NR1H4: variants seen among roughly 807,000 people sequenced by gnomAD.
NR1H4 encodes the protein bile acid receptor.
In NR1H4, 23 loss-of-function variants were observed where a neutral mutation model predicts 58.5. The observed-to-expected ratio is 0.39, with a 90% confidence interval of 0.28 to 0.56. NR1H4 has a LOEUF of 0.56. Among genes scored for constraint, NR1H4 ranks in the 20% least tolerant of loss-of-function variants. NR1H4 has a pLI of 0.58. For synonymous variants in NR1H4, 214 were observed against 198.0 expected (o/e 1.08, Z -0.68); for missense variants, 487 against 576.9 (o/e 0.84, Z 1.60).
At chr12:100,511,228 C>T (rs1040018076) in intron 4 of NR1H4, 85 bp downstream of exon 4, 1 of 1,568,710 alleles carries the variant, frequency 6.4e-7, no homozygotes, top group South Asian at 1.1e-5. Context: ...CTTCCCTTTT[C>T]CCAGGCAACT....
At chr12:100,552,876 G>A (rs1955234752) in intron 9 of NR1H4, among the ~76,000 whole-genome samples, 1 of 151,846 alleles carries the variant, frequency 6.6e-6, no homozygotes, top group Non-Finnish European at 1.5e-5. Flanking sequence ...GGTTATGATT[G>A]TGCCACTGCA....
At chr12:100,498,337 A>T (rs2136116497) in intron 3 of NR1H4, among the ~76,000 whole-genome samples, 1 of 152,324 alleles carries the variant, frequency 6.6e-6, no homozygotes, top group Admixed American at 6.5e-5. Flanking sequence ...GGCCAGAGAG[A>T]ATCAACAATA....
At chr12:100,503,157 G>A (rs1057360464) in intron 3 of NR1H4, among the ~76,000 whole-genome samples, 1 of 152,182 alleles carries the variant, frequency 6.6e-6, no homozygotes, top group African/African-American at 2.4e-5. Context: ...TTTAGAGCCA[G>A]TGAACAGAAA....
chr12:100,563,526 C>A lies in NR1H4; in HGVS notation c.*37C>A. 6.8e-7 allele frequency: 1 copy of A among 1,464,254 alleles called. No individual in the cohort carries two copies. The highest frequency in any genetic ancestry group is 9.6e-7 in the Non-Finnish European group (1 of 1,043,338). 90.7% of individuals were successfully genotyped at this position (1,464,254 alleles called of 1,614,324 possible). A position where few individuals can be genotyped will look rare whatever the true frequency, so the allele number is the denominator to read the frequency against. Reference sequence around the variant, plus strand: ...GGGGAGGGGTCTAGCTCCTTTTTCTCTCTCATATTAATCTGATGTATAACT... The same window carrying A: ...GGGGAGGGGTCTAGCTCCTTTTTCTATCTCATATTAATCTGATGTATAACT... On this transcript the variant is annotated 3_prime_UTR_variant, in exon 11 of 11. Coordinates refer to ENST00000392986, the MANE Select transcript of NR1H4 (RefSeq NM_001206979.2).
intron 1 of NR1H4, among the ~76,000 whole-genome samples, chr12:100,477,496 T>A (rs11110389): frequency 0.042 from 6,366 of 152,232 alleles, 413 homozygotes; most frequent in African/African-American, 0.14. Context: ...CTATTACACT[T>A]TAATTAATGT....
intron 3 of NR1H4, among the ~76,000 whole-genome samples, chr12:100,496,081 G>A (rs1294459665): frequency 6.6e-6 from 1 of 152,162 alleles, no homozygotes; most frequent in African/African-American, 2.4e-5. Context: ...CAAGGTTAAT[G>A]GAATAGTCTA....
chr12:100,509,912 C>T (rs558281134), intron 3 of NR1H4, among the ~76,000 whole-genome samples: 13 of 143,910 alleles, frequency 9.0e-5, no homozygotes, highest in East Asian at 8.3e-4. Context: ...TGGGCACGTG[C>T]GCGCACACAC....
At chr12:100,536,886 T>A (rs1954825978) in intron 7 of NR1H4, 62 bp from the exon 8 acceptor site, 7 of 1,004,552 alleles carry the variant, frequency 7.0e-6, no homozygotes, top group Non-Finnish European at 1.1e-5. Flanking sequence ...TTTAGTCTAA[T>A]GGTTTTATAT....
chr12:100,506,444 A>G (rs1267917526), intron 3 of NR1H4, among the ~76,000 whole-genome samples: 1 of 152,118 alleles, frequency 6.6e-6, no homozygotes, highest in Non-Finnish European at 1.5e-5. Flanking sequence ...TTACTTCTCT[A>G]TTTGTGGAGA....
chr12:100,548,706 G>A (rs763036412), intron 9 of NR1H4, among the ~76,000 whole-genome samples: 27 of 151,852 alleles, frequency 1.8e-4, no homozygotes, highest in African/African-American at 3.4e-4. Context: ...GTACACTGGC[G>A]GTACAAAGAT....
rs33968247 is a variant in NR1H4, at chr12:100,482,916, C to G, written c.-190+8857C>G. On this transcript the variant is annotated intron_variant, in intron 1 of 10. Coordinates refer to ENST00000392986, the MANE Select transcript of NR1H4 (RefSeq NM_001206979.2). Reference sequence around the variant, plus strand: ...GAAAGCTGTGGATATCTAGTTGATGCAGGTATTTTATTATTTATTTATTTA... The same window carrying G: ...GAAAGCTGTGGATATCTAGTTGATGGAGGTATTTTATTATTTATTTATTTA... Among the ~76,000 whole-genome samples, 731 of 151,880 alleles carry G rather than the reference C, an allele frequency of 4.8e-3. 5 individuals carry two copies. Among genetic ancestry groups the G allele is most frequent in the Non-Finnish European group, 7.8e-3 (527 of 67,886 alleles).
At chr12:100,561,052 T>G (rs990303693) in intron 9 of NR1H4, among the ~76,000 whole-genome samples, 3 of 152,178 alleles carry the variant, frequency 2.0e-5, no homozygotes, top group Non-Finnish European at 2.9e-5. Flanking sequence ...TTACTGATGC[T>G]TAGTAGGTAA....
intron 3 of NR1H4, among the ~76,000 whole-genome samples, chr12:100,496,281 A>G (rs1296324341): frequency 2.0e-5 from 3 of 152,212 alleles, no homozygotes; most frequent in Non-Finnish European, 4.4e-5. Context: ...CAAGGTAGTG[A>G]TACATGCTAT....
intron 9 of NR1H4, among the ~76,000 whole-genome samples, chr12:100,542,789 C>G (rs910928446): frequency 6.6e-5 from 10 of 151,734 alleles, no homozygotes; most frequent in African/African-American, 2.4e-4. Context: ...ATGTTTTTTT[C>G]CTAGTTAAAA....
chr12:100,540,239 G>A (rs536756002), intron 8 of NR1H4, among the ~76,000 whole-genome samples: 6 of 152,210 alleles, frequency 3.9e-5, no homozygotes, highest in East Asian at 1.9e-4. Context: ...AATACTACCC[G>A]TTCTTTAGCT....
At chr12:100,502,878 TACTC>T (rs1200334632) in intron 3 of NR1H4, among the ~76,000 whole-genome samples, 1 of 152,164 alleles carries the variant, frequency 6.6e-6, no homozygotes, top group Non-Finnish European at 1.5e-5. Flanking sequence ...TTGTGAGACT[TACTC>T]ACTACCACGA....
intron 9 of NR1H4, among the ~76,000 whole-genome samples, chr12:100,559,110 C>T (rs1955401587): frequency 6.6e-6 from 1 of 152,158 alleles, no homozygotes; most frequent in South Asian, 2.1e-4. Flanking sequence ...AAACTATATG[C>T]CTAAAGCCAT....
chr12:100,523,957 A>G (rs1954491450), intron 4 of NR1H4, among the ~76,000 whole-genome samples: 2 of 152,220 alleles, frequency 1.3e-5, no homozygotes, highest in African/African-American at 2.4e-5. Context: ...TCAAGCAAAC[A>G]AAAAGATTAA....
chr12:100,522,187 A>C (rs1350074768), intron 4 of NR1H4, among the ~76,000 whole-genome samples: 3 of 151,994 alleles, frequency 2.0e-5, no homozygotes, highest in Non-Finnish European at 2.9e-5. Context: ...GATGATGGTG[A>C]TGGTGATGAT....
Sources: gnomAD v4.1 joint callset for allele counts (sites outside exome capture counted in the v4.1 genomes callset) on GRCh38, gnomAD v4.1.1 for gene constraint, MANE v1.5 for transcripts, NCBI Gene and HGNC (gene_info 2026-07-23, HGNC 2026-07-21) for gene names.